The following CLCA4 variants were observed in gnomAD, a reference collection of about 807,000 sequenced individuals.
CLCA4 encodes chloride channel accessory 4.
A neutral mutation model predicts 78.9 loss-of-function variants in CLCA4; 69 were observed. The observed-to-expected ratio is 0.87, with a 90% CI of 0.72 to 1.07. The LOEUF (loss-of-function observed/expected upper bound fraction) is 1.07. CLCA4 is among the 50% of genes least tolerant of loss of function. The pLI is 0.00. For missense variants in CLCA4, 1,133 were observed against 1,095.8 expected, an observed-to-expected ratio of 1.03 and a Z score of -0.48; for synonymous variants, 362 against 375.8, an observed-to-expected ratio of 0.96 and a Z score of 0.42.
In CLCA4 at chr1:86,572,617, G is replaced by C. The variant is rs1188854301; in HGVS notation, c.1364G>C (p.Gly455Ala). The C allele has an allele frequency of 1.9e-6, 3 of 1,579,310 alleles. No individual in the cohort carries two copies. In the Admixed American group the frequency reaches 5.0e-5, roughly 26 times the overall value. The change falls in exon 9 of 14, where the codon GGA becomes GCA. Residue 455 changes from glycine (G) to alanine (A), a missense_variant. Gly to Ala is a moderately conservative substitution (Grantham distance 60). Coordinates refer to ENST00000370563, the MANE Select transcript of CLCA4 (RefSeq NM_012128.4). ...AATTAATGCATTTACATTTTAGGAG[G>C]AAGTCATTTTTATGTTTCAGATGAA... is the stretch of plus-strand genomic sequence containing the variant. ...AVIEMSKITG[G>A]SHFYVSDEAQ... is the part of the protein sequence containing the mutation.
In CLCA4 at chr1:86,559,990, T is replaced by C; in HGVS notation, c.218T>C (p.Phe73Ser). The C allele has an allele frequency of 1.2e-6, 2 of 1,608,776 alleles. No individual in the cohort carries two copies. Among genetic ancestry groups the C allele is most frequent in the Non-Finnish European group, 1.7e-6 (2 of 1,177,624 alleles). The change falls in exon 2 of 14, where the codon TTC becomes TCC. Residue 73 changes from phenylalanine to serine, a missense_variant. Transcript: ENST00000370563. ...LFEATEKRFF[F>S]KNVSILIPEN... Reference sequence around the variant, plus strand: ...GAAGCCACAGAAAAAAGATTTTTTTTCAAAAATGTATCTATATTAATTCCT... The same window carrying C: ...GAAGCCACAGAAAAAAGATTTTTTTCCAAAAATGTATCTATATTAATTCCT...
intron 7 of CLCA4, among the ~76,000 whole-genome samples, chr1:86,569,614 G>A (rs1013670864): frequency 5.3e-5 from 8 of 152,066 alleles, no homozygotes; most frequent in African/African-American, 1.9e-4. Context: ...CTTGGAGATG[G>A]ATTAAATTAT....
intron 12 of CLCA4, among the ~76,000 whole-genome samples, chr1:86,578,717 A>T (rs1489586020): frequency 6.6e-6 from 1 of 152,128 alleles, no homozygotes; most frequent in Non-Finnish European, 1.5e-5. Flanking sequence ...TTTCAGCTCA[A>T]GATGAAGGAA....
intron 7 of CLCA4, among the ~76,000 whole-genome samples, chr1:86,569,379 T>A (rs974270382): frequency 4.0e-5 from 6 of 151,876 alleles, no homozygotes; most frequent in Non-Finnish European, 8.8e-5. Flanking sequence ...GTTTGGCAAA[T>A]GAGGGGATAT....
chr1:86,575,007 T>G (rs1386509314), intron 10 of CLCA4, among the ~76,000 whole-genome samples: 4 of 152,044 alleles, frequency 2.6e-5, no homozygotes, highest in African/African-American at 9.7e-5. Flanking sequence ...GAAGAGTCTA[T>G]GCAAATTGGT....
rs763442016 is a variant in CLCA4 at position 86,580,060 on chromosome 1, C to T, written c.2475C>T (p.Ser825=). The change falls in exon 14 of 14, where the codon AGC becomes AGT. Residue 825 remains serine (S), a synonymous_variant. Coordinates refer to ENST00000370563, the MANE Select transcript of CLCA4 (RefSeq NM_012128.4). ...LSPKEANSKE[S]FAFKPENISE... ...CAAAGGAGGCCAACTCCAAGGAAAG[C>T]TTTGCATTTAAACCAGAAAATATCT... 1.1e-4 allele frequency: 170 copies of T among 1,612,800 alleles called. No individual in the cohort carries two copies. Among genetic ancestry groups the T allele is most frequent in the Non-Finnish European group, 1.4e-4 (162 of 1,179,414 alleles).
At chr1:86,566,292 T>C (rs1441681081) in intron 6 of CLCA4, among the ~76,000 whole-genome samples, 1 of 151,998 alleles carries the variant, frequency 6.6e-6, no homozygotes, top group Non-Finnish European at 1.5e-5. Flanking sequence ...CCTTCTACTG[T>C]TTCCCAACAA....
chr1:86,572,991 A>T (rs1650399491), intron 9 of CLCA4: 2 of 362,894 alleles, frequency 5.5e-6, no homozygotes, highest in Non-Finnish European at 1.0e-5. Context: ...ATAATGTCAA[A>T]TTTTTCACCA....
intron 6 of CLCA4, 145 bp from the exon 7 acceptor site, chr1:86,567,279 A>C: frequency 1.4e-6 from 1 of 723,154 alleles, no homozygotes. Flanking sequence ...TTATCAATTA[A>C]AAATTTGATA....
At chr1:86,552,541 G>A in intron 1 of CLCA4, 1 of 512,170 alleles carries the variant, frequency 2.0e-6, no homozygotes, top group Non-Finnish European at 3.5e-6. Context: ...GGCAGCGGGC[G>A]GCAGGCGCAC....
At chr1:86,563,985 A>T (rs1410176664) in intron 4 of CLCA4, among the ~76,000 whole-genome samples, 1 of 152,122 alleles carries the variant, frequency 6.6e-6, no homozygotes, top group African/African-American at 2.4e-5. Flanking sequence ...AACATATTTT[A>T]TACCTCTCTA....
chr1:86,564,910 A>T (rs978029110), intron 4 of CLCA4, among the ~76,000 whole-genome samples: 2 of 152,094 alleles, frequency 1.3e-5, no homozygotes, highest in African/African-American at 4.8e-5. Flanking sequence ...TTCAAGCTAA[A>T]GTGGTACTCA....
chr1:86,579,889 A>G, intron 13 of CLCA4, 53 bp from the exon 14 acceptor site: 1 of 1,145,466 alleles, frequency 8.7e-7, no homozygotes, highest in African/African-American at 1.6e-5. Flanking sequence ...AATAAAAAGG[A>G]ATGAATATGC....
chr1:86,578,133 T>A, intron 12 of CLCA4, 61 bp downstream of exon 12: 1 of 1,440,264 alleles, frequency 6.9e-7, no homozygotes, highest in Non-Finnish European at 9.4e-7. Context: ...TGATTTGATA[T>A]AATTAGGCTT....
intron 4 of CLCA4, among the ~76,000 whole-genome samples, chr1:86,564,273 A>C (rs561266925): frequency 9.5e-4 from 144 of 152,270 alleles, no homozygotes; most frequent in Admixed American, 2.2e-3. Flanking sequence ...GTTGGGAAGA[A>C]TCAATTTAAA....
intron 1 of CLCA4, among the ~76,000 whole-genome samples, chr1:86,552,175 A>G (rs1176260523): frequency 6.9e-6 from 1 of 145,826 alleles, no homozygotes; most frequent in East Asian, 1.9e-4. Context: ...AAAATAGCTG[A>G]AAAAATCTAA....
chr1:86,580,219 A>ACCTACTCCTACT lies in CLCA4; in HGVS notation c.2650_2661dup (p.Thr884_Pro887dup), dbSNP rs56040873. ...CAAATCCTGATGACATTGATCCTAC[A>ACCTACTCCTACT]CCTACTCCTACTCCTACTCCTACTC... On this transcript the variant is annotated inframe_insertion, in exon 14 of 14. Transcript: ENST00000370563. 1.6e-5 allele frequency: 3 copies of ACCTACTCCTACT among 190,708 alleles called. No homozygotes were observed. Among genetic ancestry groups the ACCTACTCCTACT allele is most frequent in the Non-Finnish European group, 2.4e-5 (3 of 124,452 alleles). The allele number at this position is 190,708 out of a possible 1,614,324, so 11.8% of individuals were successfully genotyped here. A position where few individuals can be genotyped will look rare whatever the true frequency, so the allele number is the denominator to read the frequency against.
At chr1:86,566,142 A>G in intron 6 of CLCA4, 122 bp downstream of exon 6, 1 of 714,438 alleles carries the variant, frequency 1.4e-6, no homozygotes, top group Non-Finnish European at 2.2e-6. Flanking sequence ...ATCACTGCCC[A>G]TGATCATGAC....
At chr1:86,571,343 C>G (rs1433818826) in intron 8 of CLCA4, 89 bp downstream of exon 8, 3 of 1,296,864 alleles carry the variant, frequency 2.3e-6, no homozygotes, top group Non-Finnish European at 3.2e-6. Context: ...GAGTTTCTGC[C>G]TTGGAGGCAC....
Sources: allele counts gnomAD v4.1 joint callset (sites outside exome capture counted in the v4.1 genomes callset), GRCh38; gene constraint gnomAD v4.1.1; transcripts MANE v1.5; gene names NCBI Gene and HGNC (gene_info 2026-07-23, HGNC 2026-07-21).